The following MTSS1 variants were observed in gnomAD, a reference collection of about 807,000 sequenced individuals.
The protein encoded by MTSS1 is protein MTSS 1.
A neutral mutation model predicts 79.0 loss-of-function variants in MTSS1; 18 were observed. The ratio of observed to expected loss-of-function variants is 0.23; its 90% confidence interval spans 0.16 to 0.34. MTSS1 has a LOEUF of 0.34. Among genes scored for constraint, MTSS1 ranks in the 10% least tolerant of loss-of-function variants. The pLI, the probability that MTSS1 is intolerant of heterozygous loss-of-function variation, is 1.00. For missense variants in MTSS1, 815 were observed against 986.2 expected, an observed-to-expected ratio of 0.83 and a Z score of 2.33; for synonymous variants, 341 against 368.6, an observed-to-expected ratio of 0.93 and a Z score of 0.86.
chr8:124,727,627 C>T lies in MTSS1; in HGVS notation c.72+257G>A, dbSNP rs1282940447. On this transcript the variant is annotated intron_variant, in intron 1 of 13. Coordinates refer to ENST00000518547, the MANE Select transcript of MTSS1 (RefSeq NM_014751.6). This position sits in a 1 kb window ranked among gnomAD's most constrained non-coding sequence, Gnocchi z 4.7. The stretch of plus-strand genomic sequence containing the variant: ...AGCCCCCGAGGGAAAGAAATGGTGC[C>T]GCCCCCTGGGACAATGAGCGGGGGA... 1 of 638,588 alleles carries T rather than the reference C, an allele frequency of 1.6e-6. No homozygotes were observed. The highest frequency in any genetic ancestry group is 1.5e-5 in the South Asian group (1 of 66,184). The allele number at this position is 638,588 out of a possible 1,614,324, so 39.6% of individuals were successfully genotyped here. A position where few individuals can be genotyped will look rare whatever the true frequency, so the allele number is the denominator to read the frequency against.
At chr8:124,562,452 T>C (rs1172932015) in intron 10 of MTSS1, among the ~76,000 whole-genome samples, 2 of 152,138 alleles carry the variant, frequency 1.3e-5, no homozygotes, top group Non-Finnish European at 2.9e-5. Flanking sequence ...GCAATGCCCT[T>C]TAATTATAGC....
chr8:124,631,429 C>T (rs758240956), intron 3 of MTSS1, among the ~76,000 whole-genome samples: 2 of 152,222 alleles, frequency 1.3e-5, no homozygotes, highest in Non-Finnish European at 2.9e-5. Context: ...ACGACAGTCC[C>T]GACACTGCTG....
chr8:124,704,529 T>A (rs979695597), intron 1 of MTSS1, among the ~76,000 whole-genome samples: 3 of 152,170 alleles, frequency 2.0e-5, no homozygotes, highest in African/African-American at 7.2e-5. Flanking sequence ...TCATGAAACA[T>A]GGCCCTGGCT....
At chr8:124,625,995 C>T (rs979684684) in intron 3 of MTSS1, among the ~76,000 whole-genome samples, 7 of 144,254 alleles carry the variant, frequency 4.9e-5, no homozygotes, top group Admixed American at 7.0e-5. Context: ...ACCTACTATA[C>T]GCAGCAGGAA....
At chr8:124,665,094 G>C (rs1822809686) in intron 3 of MTSS1, among the ~76,000 whole-genome samples, 1 of 152,038 alleles carries the variant, frequency 6.6e-6, no homozygotes, top group Non-Finnish European at 1.5e-5. Context: ...GCTTGGAGAG[G>C]GTAAGTAACT....
intron 3 of MTSS1, among the ~76,000 whole-genome samples, chr8:124,658,878 C>T (rs965084774): frequency 1.3e-5 from 2 of 152,210 alleles, no homozygotes; most frequent in African/African-American, 4.8e-5. Flanking sequence ...TTAGCCAGCA[C>T]CTCGATCTTG....
At chr8:124,665,277 G>A (rs762705286) in intron 3 of MTSS1, among the ~76,000 whole-genome samples, 3 of 152,194 alleles carry the variant, frequency 2.0e-5, no homozygotes, top group Non-Finnish European at 4.4e-5. Context: ...TGCTCAATTC[G>A]ATAATCTGTT....
intron 13 of MTSS1, among the ~76,000 whole-genome samples, chr8:124,554,642 A>G (rs1182141270): frequency 6.6e-6 from 1 of 152,228 alleles, no homozygotes; most frequent in South Asian, 2.1e-4. Flanking sequence ...TGGCTGGAAT[A>G]GGTTAAGAAC....
intron 3 of MTSS1, among the ~76,000 whole-genome samples, chr8:124,671,675 C>T (rs1824245920): frequency 6.6e-6 from 1 of 152,180 alleles, no homozygotes; most frequent in African/African-American, 2.4e-5. Flanking sequence ...TGTCCTGATA[C>T]AAGTTTGCAA....
At chr8:124,589,806 A>G in intron 4 of MTSS1, 95 bp from the exon 5 acceptor site, 1 of 886,722 alleles carries the variant, frequency 1.1e-6, no homozygotes, top group Non-Finnish European at 1.8e-6. Context: ...CTAAATCACA[A>G]TTACCCGAAA....
At chr8:124,700,028 A>G (rs1829479723) in intron 2 of MTSS1, among the ~76,000 whole-genome samples, 1 of 152,064 alleles carries the variant, frequency 6.6e-6, no homozygotes, top group Admixed American at 6.6e-5. Flanking sequence ...AATCCCAGCT[A>G]CTTGGGAGGC....
At chr8:124,564,129 C>CAAAAAAAAAAAAAAAAAAAAAAAAAA in intron 9 of MTSS1, among the ~76,000 whole-genome samples, 1 of 87,826 alleles carries the variant, frequency 1.1e-5, no homozygotes, top group Non-Finnish European at 2.1e-5. Flanking sequence ...GACCCGATCT[C>CAAAAAAAAAAAAAAAAAAAAAAAAAA]AAAAAAAAAA....
At chr8:124,605,085 C>A (rs962081784) in intron 3 of MTSS1, among the ~76,000 whole-genome samples, 1 of 152,178 alleles carries the variant, frequency 6.6e-6, no homozygotes. Context: ...TCCCTGTCTA[C>A]GTTTTGGATG....
chr8:124,578,876 G>A (rs1008382121), intron 6 of MTSS1, among the ~76,000 whole-genome samples: 15 of 151,958 alleles, frequency 9.9e-5, no homozygotes, highest in East Asian at 2.0e-4. Flanking sequence ...CCACGCCAAC[G>A]CGCCCAGCCA....
chr8:124,595,645 G>A (rs544605061), intron 3 of MTSS1, among the ~76,000 whole-genome samples: 29 of 152,286 alleles, frequency 1.9e-4, no homozygotes, highest in African/African-American at 7.0e-4. Context: ...TCACCTCCCT[G>A]CCTCAAGACC....
intron 3 of MTSS1, chr8:124,673,055 G>A (rs1458658453): frequency 6.6e-6 from 1 of 152,198 alleles, no homozygotes; most frequent in Non-Finnish European, 1.5e-5. Flanking sequence ...TGCAAATGAA[G>A]TTTCTGGATG....
chr8:124,655,549 G>C (rs1820788655), intron 3 of MTSS1, among the ~76,000 whole-genome samples: 1 of 152,192 alleles, frequency 6.6e-6, no homozygotes, highest in Admixed American at 6.5e-5. Context: ...CCATGCGCAG[G>C]AGCCCGGACT....
chr8:124,567,741 G>T (rs1429759626), intron 7 of MTSS1: 1 of 1,526,036 alleles, frequency 6.6e-7, no homozygotes, highest in Admixed American at 2.0e-5. Context: ...CCACGGGCCG[G>T]GCTAGAACGA....
chr8:124,572,743 C>CTTTTTTTTTTTTTTTTTTTT (rs747243821), intron 6 of MTSS1, among the ~76,000 whole-genome samples: 7 of 123,668 alleles, frequency 5.7e-5, no homozygotes, highest in African/African-American at 1.2e-4. Context: ...CTTTTCTTTT[C>CTTTTTTTTTTTTTTTTTTTT]TTTTTTTTTT....
Sources: gnomAD v4.1 joint callset for allele counts (sites outside exome capture counted in the v4.1 genomes callset) on GRCh38, gnomAD v4.1.1 for gene constraint, Gnocchi (gnomAD v3.1) non-coding constraint, MANE v1.5 for transcripts, NCBI Gene and HGNC (gene_info 2026-07-23, HGNC 2026-07-21) for gene names.